PDE4B: variants seen among roughly 807,000 people sequenced by gnomAD.
PDE4B encodes the protein 3',5'-cyclic-AMP phosphodiesterase 4B.
A neutral mutation model predicts 82.2 loss-of-function variants in PDE4B; 20 were observed. The ratio of observed to expected loss-of-function variants is 0.24; its 90% CI spans 0.17 to 0.35. PDE4B has a LOEUF of 0.35. PDE4B is among the 10% of genes least tolerant of loss of function. The pLI, the probability that PDE4B is intolerant of heterozygous loss-of-function variation, is 1.00. For synonymous variants in PDE4B, 320 were observed against 318.9 expected, an observed-to-expected ratio of 1.00 and a Z score of -0.04; for missense variants, 655 against 907.2, an observed-to-expected ratio of 0.72 and a Z score of 3.57.
intron 3 of PDE4B, among the ~76,000 whole-genome samples, chr1:66,069,321 G>A (rs1347839820): frequency 6.6e-6 from 1 of 151,944 alleles, no homozygotes; most frequent in Non-Finnish European, 1.5e-5. Context: ...CACTCATAAA[G>A]CTTCGTTTAT....
intron 3 of PDE4B, among the ~76,000 whole-genome samples, chr1:66,243,566 C>G (rs1653058921): frequency 6.6e-6 from 1 of 152,162 alleles, no homozygotes; most frequent in Non-Finnish European, 1.5e-5. Context: ...CAAAATCAAA[C>G]TGGACTGCAG....
intron 1 of PDE4B, among the ~76,000 whole-genome samples, chr1:65,873,253 A>T (rs1646595053): frequency 1.3e-5 from 2 of 152,150 alleles, no homozygotes; most frequent in Admixed American, 6.6e-5. Flanking sequence ...GAGTTCTTCA[A>T]AGGGAAGTTG....
chr1:66,344,445 A>T (rs1661238814), intron 8 of PDE4B, among the ~76,000 whole-genome samples: 1 of 152,198 alleles, frequency 6.6e-6, no homozygotes, highest in South Asian at 2.1e-4. Context: ...GAATTAATTA[A>T]AAATGCTTTT....
chr1:66,281,694 ACAAGG>A (rs1394218574), intron 7 of PDE4B, among the ~76,000 whole-genome samples: 1 of 152,250 alleles, frequency 6.6e-6, no homozygotes, highest in Non-Finnish European at 1.5e-5. Context: ...TGTTTCAAAT[ACAAGG>A]CATGGGGGAG....
intron 7 of PDE4B, among the ~76,000 whole-genome samples, chr1:66,308,797 T>G (rs1170834674): frequency 1.3e-5 from 2 of 152,194 alleles, no homozygotes; most frequent in Non-Finnish European, 2.9e-5. Flanking sequence ...TATATTTTTA[T>G]GCATTTTTAT....
At chr1:66,335,954 T>G (rs1227287703) in intron 8 of PDE4B, among the ~76,000 whole-genome samples, 1 of 152,196 alleles carries the variant, frequency 6.6e-6, no homozygotes, top group Non-Finnish European at 1.5e-5. Context: ...AGAGCATGAG[T>G]TCCTCAGTGG....
chr1:66,198,391 A>T (rs1341849844), intron 3 of PDE4B, among the ~76,000 whole-genome samples: 1 of 152,134 alleles, frequency 6.6e-6, no homozygotes, highest in Non-Finnish European at 1.5e-5. Flanking sequence ...TTATAAAAGT[A>T]ACAAAAAACA....
At chr1:65,869,592 A>G (rs976576228) in intron 1 of PDE4B, among the ~76,000 whole-genome samples, 3 of 152,300 alleles carry the variant, frequency 2.0e-5, no homozygotes, top group East Asian at 1.9e-4. Context: ...TCAGTTCTCA[A>G]TGACAAGAAT....
intron 4 of PDE4B, among the ~76,000 whole-genome samples, chr1:66,249,155 T>A (rs1004129482): frequency 1.3e-5 from 2 of 152,212 alleles, no homozygotes; most frequent in African/African-American, 2.4e-5. Flanking sequence ...TTGCTGTAGA[T>A]CTTGTAGAAC....
At chr1:65,967,852 C>T (rs1377555621) in intron 3 of PDE4B, among the ~76,000 whole-genome samples, 3 of 152,000 alleles carry the variant, frequency 2.0e-5, no homozygotes, top group Non-Finnish European at 4.4e-5. Flanking sequence ...GGGAACATCA[C>T]ACACCAGGGC....
Position 66,203,503 on chromosome 1 carries a change from T to C in PDE4B, c.282-43957T>C, listed in dbSNP as rs545217756. On this transcript the variant is annotated intron_variant, in intron 3 of 16. Transcript: ENST00000341517. ...GTACACCAATCAGACGTAGATTTGG[T>C]CTTTTCACATAGTCCCATATGTCTT... Among the ~76,000 whole-genome samples, 25 of 152,342 alleles carry C rather than the reference T, an allele frequency of 1.6e-4. No homozygotes were observed. In the South Asian group the frequency reaches 4.1e-3, roughly 25 times the overall value.
chr1:66,240,041 C>T (rs774100008), intron 3 of PDE4B, among the ~76,000 whole-genome samples: 5 of 152,186 alleles, frequency 3.3e-5, no homozygotes, highest in Non-Finnish European at 5.9e-5. Flanking sequence ...GGCTTAGAGC[C>T]CTGTGGAAGG....
intron 14 of PDE4B, 29 bp downstream of exon 14, chr1:66,367,879 A>C: frequency 6.2e-7 from 1 of 1,612,576 alleles, no homozygotes; most frequent in Non-Finnish European, 8.5e-7. Context: ...TACATTCCTC[A>C]CTTACTGCCA....
intron 3 of PDE4B, among the ~76,000 whole-genome samples, chr1:66,005,111 C>T (rs1416377567): frequency 1.3e-5 from 2 of 151,958 alleles, no homozygotes; most frequent in African/African-American, 4.8e-5. Flanking sequence ...AGGTGTATTT[C>T]GGTATATGTA....
intron 3 of PDE4B, among the ~76,000 whole-genome samples, chr1:66,010,402 A>G (rs1277470060): frequency 6.6e-6 from 1 of 151,894 alleles, no homozygotes; most frequent in Non-Finnish European, 1.5e-5. Flanking sequence ...ATAGCAAGAA[A>G]ACTTAAATTC....
Position 66,016,666 on chromosome 1 carries a change from A to G in PDE4B, c.281+97831A>G, listed in dbSNP as rs565018710. 2.6e-5 allele frequency among the ~76,000 whole-genome samples: 4 copies of G among 152,352 alleles called. 1 individual carries two copies. The East Asian group carries it at 7.7e-4, about 29-fold the overall frequency. On this transcript the variant is annotated intron_variant, in intron 3 of 16. Transcript: ENST00000341517. ...AGGAAATGTCTTAGCTAAGAGATGC[A>G]ATATATGAGAGATAAGAAATGCAAA...
intron 3 of PDE4B, among the ~76,000 whole-genome samples, chr1:65,976,617 C>G (rs1429282761): frequency 3.3e-5 from 5 of 151,892 alleles, no homozygotes; most frequent in Non-Finnish European, 7.4e-5. Context: ...GGAGGCGGGA[C>G]CTGGTGAGAG....
At chr1:65,939,684 C>T (rs1648340025) in intron 3 of PDE4B, among the ~76,000 whole-genome samples, 1 of 152,020 alleles carries the variant, frequency 6.6e-6, no homozygotes, top group South Asian at 2.1e-4. Context: ...TAAGTATAAG[C>T]TGAAGCTGAG....
chr1:66,330,630 C>A, intron 7 of PDE4B: 1 of 215,242 alleles, frequency 4.6e-6, no homozygotes, highest in Non-Finnish European at 7.9e-6. Flanking sequence ...TCCCCAGCAG[C>A]TGGGAAGTGG....
Sources: gnomAD v4.1 joint callset for allele counts (sites outside exome capture counted in the v4.1 genomes callset) on GRCh38, gnomAD v4.1.1 for gene constraint, MANE v1.5 for transcripts, NCBI Gene and HGNC (gene_info 2026-07-23, HGNC 2026-07-21) for gene names.